FOXP1: variants seen among roughly 807,000 people sequenced by gnomAD.
FOXP1 encodes forkhead box protein P1.
FOXP1 carries 15 observed loss-of-function variants against 98.2 expected under a neutral mutation model. The observed-to-expected ratio is 0.15, with a 90% CI of 0.10 to 0.24. FOXP1 has a LOEUF of 0.24. FOXP1 is among the 10% of genes least tolerant of loss of function. The pLI is 1.00. For synonymous variants in FOXP1, 371 were observed against 314.5 expected (o/e 1.18, Z -1.90); for missense variants, 633 against 848.5 (o/e 0.75, Z 3.15).
intron 2 of FOXP1, among the ~76,000 whole-genome samples, chr3:71,550,131 T>C (rs2045664041): frequency 6.6e-6 from 1 of 152,158 alleles, no homozygotes; most frequent in Admixed American, 6.5e-5. Flanking sequence ...AGTTTATTCT[T>C]CAGAAGTAGC....
At chr3:71,195,620 A>G (rs1396246377) in intron 6 of FOXP1, among the ~76,000 whole-genome samples, 2 of 152,212 alleles carry the variant, frequency 1.3e-5, no homozygotes, top group African/African-American at 4.8e-5. Context: ...CGGAATCTGA[A>G]TGTGCCCCTG....
At chr3:71,209,069 C>A (rs1560118769) in intron 5 of FOXP1, among the ~76,000 whole-genome samples, 1 of 152,128 alleles carries the variant, frequency 6.6e-6, no homozygotes, top group Non-Finnish European at 1.5e-5. Context: ...CCAGTCAGAT[C>A]CGCTTAACTC....
chr3:70,997,889 A>T (rs2041607227), intron 13 of FOXP1, among the ~76,000 whole-genome samples: 1 of 152,210 alleles, frequency 6.6e-6, no homozygotes, highest in Non-Finnish European at 1.5e-5. Context: ...GGATGAATGG[A>T]TGGATGGATG....
rs2073186130 is a variant in FOXP1, at chr3:71,295,434, TACAAGGATGC to T, written c.-12+4376_-12+4385del. Among the ~76,000 whole-genome samples the T allele has an allele frequency of 2.6e-5, 4 of 152,346 alleles. No homozygotes were observed. In the South Asian group the frequency reaches 8.3e-4, roughly 32 times the overall value. ...TAGGTAAGACACAATGAATGTTATC[TACAAGGATGC>T]ATTTATAGTTCCTTCATCTAACATA... On this transcript the variant is annotated intron_variant, in intron 5 of 20. Coordinates refer to ENST00000649528, the MANE Select transcript of FOXP1 (RefSeq NM_001349338.3).
At chr3:71,266,164 T>C (rs1203761428) in intron 5 of FOXP1, among the ~76,000 whole-genome samples, 5 of 152,174 alleles carry the variant, frequency 3.3e-5, no homozygotes, top group Non-Finnish European at 7.4e-5. Flanking sequence ...TGTGACAGCC[T>C]TGAGGCAAGG....
At chr3:71,513,646 C>T (rs192583555) in intron 2 of FOXP1, among the ~76,000 whole-genome samples, 5 of 152,218 alleles carry the variant, frequency 3.3e-5, no homozygotes, top group South Asian at 2.1e-4. Context: ...CAGGGTGTAG[C>T]GCAAGGTGTG....
intron 7 of FOXP1, among the ~76,000 whole-genome samples, chr3:71,056,081 C>T (rs145603895): frequency 3.1e-3 from 476 of 152,304 alleles, no homozygotes; most frequent in Non-Finnish European, 5.7e-3. Flanking sequence ...GTCCATATCT[C>T]GAGTGAGGTG....
chr3:71,389,381 C>T (rs1260211351), intron 3 of FOXP1, among the ~76,000 whole-genome samples: 1 of 151,926 alleles, frequency 6.6e-6, no homozygotes, highest in East Asian at 1.9e-4. Flanking sequence ...TTCCTCTTGG[C>T]ACAGGATCAT....
chr3:71,258,524 T>C (rs1478971214), intron 5 of FOXP1, among the ~76,000 whole-genome samples: 2 of 152,108 alleles, frequency 1.3e-5, no homozygotes, highest in Non-Finnish European at 2.9e-5. Context: ...AAAGCTAGGC[T>C]GGAGGAACTT....
chr3:71,414,599 A>C (rs2083059367), intron 3 of FOXP1, among the ~76,000 whole-genome samples: 1 of 152,246 alleles, frequency 6.6e-6, no homozygotes, highest in Admixed American at 6.5e-5. Flanking sequence ...CTCTGCTCCA[A>C]GGGATATTCT....
intron 20 of FOXP1, among the ~76,000 whole-genome samples, chr3:70,961,990 G>C (rs1235063894): frequency 6.6e-6 from 1 of 152,138 alleles, no homozygotes; most frequent in African/African-American, 2.4e-5. Context: ...CTGTGAACCA[G>C]CTCTGCTAAA....
At chr3:71,059,343 T>C (rs901464221) in intron 7 of FOXP1, among the ~76,000 whole-genome samples, 2 of 152,208 alleles carry the variant, frequency 1.3e-5, no homozygotes, top group African/African-American at 2.4e-5. Flanking sequence ...AATGCATATT[T>C]GTTTACAGCA....
rs556936473 is a variant in FOXP1, at chr3:70,977,928, G to C, written c.1248C>G (p.Pro416=). ...TGATGACAGAGGGGCCTTGGGTGACGGGAGTCAGGGGGGCGGTTGGGGTCG... is the reference window on the plus strand; with the variant it reads ...TGATGACAGAGGGGCCTTGGGTGACCGGAGTCAGGGGGGCGGTTGGGGTCG... ...TPTTPTAPLT[P]VTQGPSVITT... is the part of the protein sequence containing the mutation. Residue 416 remains proline (P), a synonymous_variant, in exon 15 of 21, where the codon CCC becomes CCG. Coordinates refer to ENST00000649528, the MANE Select transcript of FOXP1 (RefSeq NM_001349338.3). 20 of 1,614,168 alleles carry C rather than the reference G, an allele frequency of 1.2e-5. 1 individual carries two copies. The highest frequency in any genetic ancestry group is 1.1e-4 in the African/African-American group (8 of 75,054).
At chr3:71,004,298 G>T (rs1259009447) in intron 12 of FOXP1, among the ~76,000 whole-genome samples, 2 of 151,874 alleles carry the variant, frequency 1.3e-5, no homozygotes, top group Non-Finnish European at 2.9e-5. Flanking sequence ...TAATCAAGGA[G>T]ATTAGTAAAA....
At chr3:71,351,753 G>A (rs2077797362) in intron 4 of FOXP1, among the ~76,000 whole-genome samples, 1 of 152,192 alleles carries the variant, frequency 6.6e-6, no homozygotes, top group African/African-American at 2.4e-5. Flanking sequence ...TTTTCACACA[G>A]GTGATTGAGC....
rs191289007 is a variant in FOXP1 at position 71,140,570 on chromosome 3, C to A, written c.181-27933G>T. On this transcript the variant is annotated intron_variant, in intron 6 of 20. Transcript: ENST00000649528. ...AATTGTGAAAACAGCATTTATCAATCTCACTTTATGTCAGGCATTTGTATT... is the reference window on the plus strand; with the variant it reads ...AATTGTGAAAACAGCATTTATCAATATCACTTTATGTCAGGCATTTGTATT... Among the ~76,000 whole-genome samples, 8 of 152,314 alleles carry A rather than the reference C, an allele frequency of 5.3e-5. No homozygotes were observed. In the East Asian group the frequency reaches 1.5e-3, roughly 29 times the overall value.
chr3:71,082,286 GAAA>G (rs75431341), intron 7 of FOXP1, among the ~76,000 whole-genome samples: 1 of 84,546 alleles, frequency 1.2e-5, no homozygotes, highest in Admixed American at 1.3e-4. Context: ...TTAAAAAAAA[GAAA>G]AAAAAAAAAA....
intron 6 of FOXP1, among the ~76,000 whole-genome samples, chr3:71,187,238 A>G (rs762421546): frequency 4.6e-5 from 7 of 152,246 alleles, no homozygotes; most frequent in African/African-American, 7.2e-5. Flanking sequence ...CTTGATAATT[A>G]TAACTGTGAA....
At chr3:71,111,258 C>T (rs1282829661) in intron 7 of FOXP1, among the ~76,000 whole-genome samples, 1 of 152,200 alleles carries the variant, frequency 6.6e-6, no homozygotes, top group African/African-American at 2.4e-5. Flanking sequence ...TGCCCACCTT[C>T]AGCTATGAAA....
Sources: allele counts gnomAD v4.1 joint callset (sites outside exome capture counted in the v4.1 genomes callset), GRCh38; gene constraint gnomAD v4.1.1; transcripts MANE v1.5; gene names NCBI Gene and HGNC (gene_info 2026-07-23, HGNC 2026-07-21).